Variants in C6 observed in about 807,000 individuals in gnomAD.
C6 encodes complement component C6.
A neutral mutation model predicts 112.9 loss-of-function variants in C6; 101 were observed. The ratio of observed to expected loss-of-function variants is 0.89; its 90% CI spans 0.76 to 1.06. The LOEUF is 1.06. C6 is among the 50% of genes least tolerant of loss of function. The probability of loss-of-function intolerance (pLI) is 0.00; values close to 1 mark genes in which losing one functional copy is unlikely to be tolerated. For missense variants in C6, 1,202 were observed against 1,104.6 expected (o/e 1.09, Z -1.25); for synonymous variants, 431 against 384.1 (o/e 1.12, Z -1.43).
rs1177699964 is a variant in C6, at chr5:41,186,196, C to T, written c.600G>A (p.Leu200=). 6.2e-7 allele frequency: 1 copy of T among 1,613,830 alleles called. No homozygotes were observed. Among genetic ancestry groups the T allele is most frequent in the South Asian group, 1.1e-5 (1 of 91,076 alleles). ...GGACTTCTCCTCTGGGCTCTCCTGCCAGAAAATGAAACCTAGAAACAAAGT... is the reference window on the plus strand; with the variant it reads ...GGACTTCTCCTCTGGGCTCTCCTGCTAGAAAATGAAACCTAGAAACAAAGT... ...VQLMGNGFHF[L]AGEPRGEVLD... The change falls in exon 6 of 18, where the codon CTG becomes CTA. Residue 200 remains leucine, a synonymous_variant. Transcript: ENST00000337836.
chr5:41,147,828 C>T (rs1745980735), intron 17 of C6, among the ~76,000 whole-genome samples: 1 of 152,106 alleles, frequency 6.6e-6, no homozygotes, highest in Non-Finnish European at 1.5e-5. Context: ...AAATGTACTG[C>T]TGTGAAGTCC....
intron 9 of C6, among the ~76,000 whole-genome samples, chr5:41,168,046 A>G (rs566668014): frequency 6.6e-6 from 1 of 152,198 alleles, no homozygotes; most frequent in Non-Finnish European, 1.5e-5. Context: ...TAGAAATCTT[A>G]ATTAGTTCAG....
chr5:41,204,693 G>A (rs1362778609), intron 1 of C6, among the ~76,000 whole-genome samples: 2 of 115,492 alleles, frequency 1.7e-5, no homozygotes, highest in African/African-American at 3.5e-5. Flanking sequence ...TTTTTGAGAT[G>A]GAGTCTCACT....
chr5:41,195,961 T>A, intron 4 of C6, 28 bp from the exon 5 acceptor site: 1 of 1,612,378 alleles, frequency 6.2e-7, no homozygotes, highest in Non-Finnish European at 8.5e-7. Context: ...ACAAAATCAA[T>A]GCAACAAATT....
intron 5 of C6, among the ~76,000 whole-genome samples, chr5:41,193,352 C>T (rs188574388): frequency 6.6e-6 from 1 of 152,280 alleles, no homozygotes; most frequent in East Asian, 1.9e-4. Flanking sequence ...AAGAAATTTT[C>T]AGTCTTATTC....
chr5:41,180,254 C>G (rs1047950855), intron 7 of C6, among the ~76,000 whole-genome samples: 4 of 152,200 alleles, frequency 2.6e-5, no homozygotes, highest in Non-Finnish European at 4.4e-5. Flanking sequence ...TTAACTCTGA[C>G]ATTGGTACCT....
intron 1 of C6, among the ~76,000 whole-genome samples, chr5:41,211,653 C>A (rs1751940445): frequency 6.6e-6 from 1 of 151,990 alleles, no homozygotes; most frequent in Non-Finnish European, 1.5e-5. Flanking sequence ...TTCACCCTTG[C>A]CCCCCACTGC....
In C6 at chr5:41,222,746, A is replaced by G. The variant is rs528151006; in HGVS notation, c.-20-19496T>C. ...TATTTTACTACTTTCTGTTTTCCAA[A>G]TTTTGTTAAAATATTATGTTTAGTG... On this transcript the variant is annotated intron_variant, in intron 1 of 17. Transcript: ENST00000263413. 2.3e-4 allele frequency among the ~76,000 whole-genome samples: 35 copies of G among 152,224 alleles called. 1 individual carries two copies. The highest frequency in any genetic ancestry group is 8.2e-4 in the African/African-American group (34 of 41,566).
intron 1 of C6, among the ~76,000 whole-genome samples, chr5:41,220,519 G>A (rs939394531): frequency 6.6e-6 from 1 of 152,004 alleles, no homozygotes; most frequent in Non-Finnish European, 1.5e-5. Flanking sequence ...CAGAAAGAAG[G>A]CGTTTATATA....
intron 1 of C6, among the ~76,000 whole-genome samples, chr5:41,222,323 CA>C (rs1031124315): frequency 1.3e-5 from 2 of 151,784 alleles, no homozygotes; most frequent in African/African-American, 4.8e-5. Flanking sequence ...AATAATCATG[CA>C]GTTACAAAGT....
At chr5:41,255,635 C>A (rs771640469) in intron 1 of C6, among the ~76,000 whole-genome samples, 195 of 152,282 alleles carry the variant, frequency 1.3e-3, no homozygotes, top group Non-Finnish European at 2.5e-3. Flanking sequence ...CATTCTTATA[C>A]CTGCCCTGAT....
intron 1 of C6, among the ~76,000 whole-genome samples, chr5:41,230,599 G>A (rs758028059): frequency 3.3e-5 from 5 of 152,082 alleles, no homozygotes; most frequent in East Asian, 3.9e-4. Flanking sequence ...TGCACAGCAG[G>A]ACATAGACCC....
At chr5:41,168,038 G>C (rs527508892) in intron 9 of C6, among the ~76,000 whole-genome samples, 34 of 152,270 alleles carry the variant, frequency 2.2e-4, no homozygotes, top group Non-Finnish European at 3.4e-4. Context: ...CAACACTGTA[G>C]AAATCTTAAT....
chr5:41,188,133 A>T (rs1426426025), intron 5 of C6, among the ~76,000 whole-genome samples: 6 of 152,174 alleles, frequency 3.9e-5, no homozygotes, highest in Non-Finnish European at 5.9e-5. Context: ...ATTAAGTGAA[A>T]TCTCAATGAA....
chr5:41,145,783 G>A (rs531510893), intron 17 of C6, among the ~76,000 whole-genome samples: 1 of 152,314 alleles, frequency 6.6e-6, no homozygotes, highest in South Asian at 2.1e-4. Context: ...ATGGAGTTTG[G>A]TGAAAGACAG....
chr5:41,151,041 G>T (rs1279634381), intron 15 of C6, among the ~76,000 whole-genome samples: 1 of 152,090 alleles, frequency 6.6e-6, no homozygotes, highest in Non-Finnish European at 1.5e-5. Context: ...TCTTTGAAGG[G>T]TTTTGTCTTC....
intron 8 of C6, among the ~76,000 whole-genome samples, chr5:41,173,210 C>G (rs574219226): frequency 3.0e-4 from 46 of 152,260 alleles, no homozygotes; most frequent in Non-Finnish European, 5.4e-4. Flanking sequence ...CTGCGAAAAC[C>G]TTGATGCTCT....
intron 17 of C6, among the ~76,000 whole-genome samples, chr5:41,145,851 G>A (rs1230687891): frequency 2.0e-5 from 3 of 152,124 alleles, no homozygotes; most frequent in Non-Finnish European, 4.4e-5. Flanking sequence ...AAGGGCCATG[G>A]TCACTACCCT....
intron 6 of C6, among the ~76,000 whole-genome samples, chr5:41,184,531 G>A (rs950676471): frequency 1.3e-5 from 2 of 151,928 alleles, no homozygotes; most frequent in Non-Finnish European, 2.9e-5. Flanking sequence ...GAGTGCAGTG[G>A]CGTGATCTCG....
Sources: allele counts gnomAD v4.1 joint callset (sites outside exome capture counted in the v4.1 genomes callset), GRCh38; gene constraint gnomAD v4.1.1; transcripts MANE v1.5; gene names NCBI Gene and HGNC (gene_info 2026-07-23, HGNC 2026-07-21).